The following VIT variants were observed in gnomAD, a reference collection of about 807,000 sequenced individuals.
VIT encodes vitrin.
A neutral mutation model predicts 78.0 loss-of-function variants in VIT; 99 were observed. The observed-to-expected ratio is 1.27, with a 90% CI of 1.08 to 1.50. VIT has a LOEUF of 1.50. VIT is among the 40% of genes most tolerant of loss of function. The probability of loss-of-function intolerance (pLI) is 0.00; values close to 1 mark genes in which losing one functional copy is unlikely to be tolerated. For missense variants in VIT, 1,126 were observed against 875.3 expected (o/e 1.29, Z -3.61); for synonymous variants, 374 against 334.3 (o/e 1.12, Z -1.29).
chr2:36,806,716 T>TTTTTA (rs1187863402), intron 14 of VIT, among the ~76,000 whole-genome samples: 1 of 152,000 alleles, frequency 6.6e-6, no homozygotes, highest in Non-Finnish European at 1.5e-5. Flanking sequence ...CCAGCTAGTT[T>TTTTTA]TTTTATTTTA....
chr2:36,768,657 A>G (rs1243995252), intron 7 of VIT, among the ~76,000 whole-genome samples: 1 of 152,154 alleles, frequency 6.6e-6, no homozygotes, highest in African/African-American at 2.4e-5. Context: ...ACTGGAATTC[A>G]AACTCCAGCA....
At chr2:36,727,050 C>T (rs1009092444) in intron 2 of VIT, among the ~76,000 whole-genome samples, 16 of 152,098 alleles carry the variant, frequency 1.1e-4, no homozygotes, top group Non-Finnish European at 1.5e-4. Flanking sequence ...CAAATGCTAT[C>T]GGAGGTTCTG....
intron 13 of VIT, among the ~76,000 whole-genome samples, chr2:36,802,992 A>T (rs1666440679): frequency 6.6e-6 from 1 of 152,238 alleles, no homozygotes; most frequent in African/African-American, 2.4e-5. Context: ...AGATTAGGAA[A>T]TCACTTTCTG....
At chr2:36,733,709 C>G (rs537756538) in intron 3 of VIT, among the ~76,000 whole-genome samples, 2 of 152,312 alleles carry the variant, frequency 1.3e-5, no homozygotes, top group South Asian at 4.1e-4. Flanking sequence ...TACAATTTCT[C>G]TTGCCGTTCT....
intron 5 of VIT, 127 bp from the exon 6 acceptor site, chr2:36,758,842 A>G: frequency 2.4e-6 from 2 of 825,458 alleles, no homozygotes; most frequent in South Asian, 3.3e-5. Flanking sequence ...ACTATTCAGC[A>G]TGAGGGAGAC....
chr2:36,766,435 G>A (rs1669434185), intron 6 of VIT, among the ~76,000 whole-genome samples: 3 of 152,312 alleles, frequency 2.0e-5, no homozygotes, highest in African/African-American at 4.8e-5. Flanking sequence ...GGGAGGTTAG[G>A]TGGGAGGATC....
At chr2:36,719,537 A>G (rs565051876) in intron 2 of VIT, among the ~76,000 whole-genome samples, 2 of 152,252 alleles carry the variant, frequency 1.3e-5, no homozygotes, top group South Asian at 2.1e-4. Context: ...TACACTAACA[A>G]TGAACTATCT....
chr2:36,734,950 G>A lies in VIT; in HGVS notation c.118+5459G>A, dbSNP rs537408205. 4.0e-3 allele frequency among the ~76,000 whole-genome samples: 608 copies of A among 152,204 alleles called. 2 individuals are homozygous for A. The highest frequency in any genetic ancestry group is 6.6e-3 in the Non-Finnish European group (452 of 68,010). ...AGGCCGAGGCAGGTGGATCGCCTGA[G>A]GTCAGGAGTTCGAGACCAGCCTGGC... On this transcript the variant is annotated intron_variant, in intron 3 of 15. Transcript: ENST00000379242.
chr2:36,761,485 A>G (rs1013157117), intron 6 of VIT, among the ~76,000 whole-genome samples: 3 of 152,124 alleles, frequency 2.0e-5, no homozygotes, highest in African/African-American at 7.2e-5. Flanking sequence ...TCACACCTGT[A>G]ATCCCAGCAC....
chr2:36,743,955 C>T lies in VIT; in HGVS notation c.275+699C>T, dbSNP rs570583648. Among the ~76,000 whole-genome samples the T allele has an allele frequency of 7.2e-5, 11 of 152,174 alleles. No homozygotes were observed. In the South Asian group the frequency reaches 2.3e-3, roughly 32 times the overall value. ...AAATAGGTAGCTTTTCAGGCTTCAC[C>T]TCCCTCCTTCCCCCTTCTTGTATTC... is the stretch of plus-strand genomic sequence containing the variant. On this transcript the variant is annotated intron_variant, in intron 4 of 15. Coordinates refer to ENST00000379242, the MANE Select transcript of VIT (RefSeq NM_053276.4).
At chr2:36,781,352 T>A (rs1664738841) in intron 9 of VIT, among the ~76,000 whole-genome samples, 2 of 152,102 alleles carry the variant, frequency 1.3e-5, no homozygotes, top group African/African-American at 4.8e-5. Flanking sequence ...ATGTAATGAA[T>A]CCCCTGTCTC....
chr2:36,718,770 G>C (rs1015985095), intron 2 of VIT, among the ~76,000 whole-genome samples: 3 of 152,078 alleles, frequency 2.0e-5, no homozygotes. Flanking sequence ...AAGTTCCAGG[G>C]GTCAACCATC....
chr2:36,700,484 G>A (rs2148404592), intron 1 of VIT, among the ~76,000 whole-genome samples: 1 of 152,240 alleles, frequency 6.6e-6, no homozygotes, highest in East Asian at 1.9e-4. Context: ...GCTCATACCT[G>A]TGAATCCAAC....
chr2:36,754,946 A>G lies in VIT; in HGVS notation c.301A>G (p.Lys101Glu). ...HSGVLDNSGGKILVRKVAGQS... is the reference protein window; with the variant it reads ...HSGVLDNSGGEILVRKVAGQS... ...TGGTGTGCTTGATAATTCAGGAGGGAAAATACTTGTTCGGAAGGTTGCTGG... is the reference window on the plus strand; with the variant it reads ...TGGTGTGCTTGATAATTCAGGAGGGGAAATACTTGTTCGGAAGGTTGCTGG... The change falls in exon 5 of 16, where the codon AAA (lysine) becomes GAA (glutamate). Residue 101 changes from lysine (K) to glutamate (E), a missense_variant. Physicochemically the swap from Lys to Glu is moderately conservative, Grantham distance 56. Transcript: ENST00000379242. 1 of 1,614,036 alleles carries G rather than the reference A, an allele frequency of 6.2e-7. No individual in the cohort carries two copies. Among genetic ancestry groups the G allele is most frequent in the Admixed American group, 1.7e-5 (1 of 60,002 alleles).
intron 3 of VIT, among the ~76,000 whole-genome samples, chr2:36,739,145 T>C (rs1163050212): frequency 6.9e-6 from 1 of 144,560 alleles, no homozygotes; most frequent in East Asian, 1.9e-4. Context: ...CATACATAAG[T>C]GATTTTTTTT....
intron 9 of VIT, among the ~76,000 whole-genome samples, chr2:36,776,777 A>G (rs1438938675): frequency 6.6e-6 from 1 of 151,754 alleles, no homozygotes; most frequent in Non-Finnish European, 1.5e-5. Context: ...CCTAGGTCAC[A>G]GAGTGAGACT....
chr2:36,789,585 C>T (rs961363683), intron 12 of VIT, among the ~76,000 whole-genome samples: 1 of 152,102 alleles, frequency 6.6e-6, no homozygotes, highest in Non-Finnish European at 1.5e-5. Context: ...TCAGCAGAAA[C>T]TGCTGTTGGT....
chr2:36,715,263 G>A (rs1404632853), intron 1 of VIT, among the ~76,000 whole-genome samples: 2 of 152,148 alleles, frequency 1.3e-5, no homozygotes, highest in Non-Finnish European at 2.9e-5. Flanking sequence ...AAGCCAACTG[G>A]GCTCAGGGGC....
chr2:36,766,848 T>C (rs941004843), intron 6 of VIT, among the ~76,000 whole-genome samples: 1 of 152,232 alleles, frequency 6.6e-6, no homozygotes, highest in African/African-American at 2.4e-5. Context: ...CTATGTTCTA[T>C]GTTGCTATAG....
Sources: allele counts gnomAD v4.1 joint callset (sites outside exome capture counted in the v4.1 genomes callset), GRCh38; gene constraint gnomAD v4.1.1; transcripts MANE v1.5; gene names NCBI Gene and HGNC (gene_info 2026-07-23, HGNC 2026-07-21).